Variants in CDK14 observed in about 807,000 individuals in gnomAD.
CDK14 encodes the protein cyclin dependent kinase 14.
A neutral mutation model predicts 60.7 loss-of-function variants in CDK14; 34 were observed. The ratio of observed to expected loss-of-function variants is 0.56; its 90% CI spans 0.43 to 0.75. The LOEUF (loss-of-function observed/expected upper bound fraction) is 0.75. Among genes scored for constraint, CDK14 ranks in the 30% least tolerant of loss-of-function variants. The pLI is 0.00. For missense variants in CDK14, 482 were observed against 564.1 expected (o/e 0.85, Z 1.47); for synonymous variants, 197 against 203.7 (o/e 0.97, Z 0.28).
chr7:91,083,603 T>C (rs1319325650), intron 12 of CDK14, among the ~76,000 whole-genome samples: 1 of 152,186 alleles, frequency 6.6e-6, no homozygotes, highest in African/African-American at 2.4e-5. Context: ...TTAGTTCAGT[T>C]ACTAAAAGCA....
chr7:90,596,655 G>A lies in CDK14; in HGVS notation c.28G>A (p.Ala10Thr). MCDLIEPQP[A>T]EKIGKMKKLR... ...GTGTGACCTCATTGAGCCGCAGCCGGCCGAGAAGATCGGCAAGATGAAGAA... is the reference window on the plus strand; with the variant it reads ...GTGTGACCTCATTGAGCCGCAGCCGACCGAGAAGATCGGCAAGATGAAGAA... Residue 10 changes from alanine to threonine, a missense_variant, in exon 1 of 15, where the codon GCC (alanine) becomes ACC (threonine). Transcript: ENST00000380050. 1.2e-6 allele frequency: 2 copies of A among 1,612,218 alleles called. No individual in the cohort carries two copies. The highest frequency in any genetic ancestry group is 1.7e-6 in the Non-Finnish European group (2 of 1,179,450).
intron 11 of CDK14, among the ~76,000 whole-genome samples, chr7:91,059,573 T>C (rs1278980372): frequency 2.6e-5 from 4 of 151,880 alleles, no homozygotes; most frequent in South Asian, 4.1e-4. Flanking sequence ...CACACTGCTT[T>C]GAATGTGTCC....
At chr7:90,720,054 G>A (rs1223075617) in intron 2 of CDK14, among the ~76,000 whole-genome samples, 2 of 152,120 alleles carry the variant, frequency 1.3e-5, no homozygotes, top group African/African-American at 4.8e-5. Context: ...AATCTTTACT[G>A]GACTCTTCAA....
rs191654320 is a variant in CDK14, at chr7:90,792,943, G to A, written c.544+2291G>A. Among the ~76,000 whole-genome samples the A allele has an allele frequency of 2.0e-5, 3 of 152,156 alleles. No individual in the cohort carries two copies. In the East Asian group the frequency reaches 5.8e-4, roughly 29 times the overall value. The stretch of plus-strand genomic sequence containing the variant: ...CTTCCCTGGCTCTTTTTAGATTTAG[G>A]GGTCAATTCAAACATCCCATTTCAG... On this transcript the variant is annotated intron_variant, in intron 5 of 14. Transcript: ENST00000380050.
At chr7:90,680,034 C>T (rs1488171377) in intron 2 of CDK14, among the ~76,000 whole-genome samples, 1 of 151,672 alleles carries the variant, frequency 6.6e-6, no homozygotes, top group Non-Finnish European at 1.5e-5. Flanking sequence ...TAATAGTATT[C>T]TGTTTTTGTT....
intron 10 of CDK14, among the ~76,000 whole-genome samples, chr7:91,011,835 C>G (rs1466864049): frequency 6.6e-6 from 1 of 151,982 alleles, no homozygotes; most frequent in African/African-American, 2.4e-5. Flanking sequence ...ATAGTCTTTC[C>G]TCTAACTTTC....
At chr7:90,858,557 A>G (rs1214311835) in intron 5 of CDK14, among the ~76,000 whole-genome samples, 2 of 152,224 alleles carry the variant, frequency 1.3e-5, no homozygotes, top group African/African-American at 2.4e-5. Flanking sequence ...ATGTTCAATA[A>G]TATGTTTCCA....
intron 12 of CDK14, among the ~76,000 whole-genome samples, chr7:91,100,277 G>A (rs1419326621): frequency 6.6e-6 from 1 of 152,118 alleles, no homozygotes; most frequent in Non-Finnish European, 1.5e-5. Context: ...ATAGTGTTCT[G>A]TATAAATTAT....
intron 7 of CDK14, among the ~76,000 whole-genome samples, chr7:90,907,034 A>G (rs1431411145): frequency 6.6e-6 from 1 of 152,106 alleles, no homozygotes; most frequent in Non-Finnish European, 1.5e-5. Flanking sequence ...TTCTAGCATA[A>G]TATCAATTTT....
At chr7:90,799,999 A>T (rs972176984) in intron 5 of CDK14, among the ~76,000 whole-genome samples, 1 of 152,156 alleles carries the variant, frequency 6.6e-6, no homozygotes, top group Admixed American at 6.5e-5. Context: ...TAGATTCAAC[A>T]CAATATAACT....
At chr7:91,046,278 T>A (rs955929686) in intron 11 of CDK14, among the ~76,000 whole-genome samples, 1 of 152,206 alleles carries the variant, frequency 6.6e-6, no homozygotes, top group Non-Finnish European at 1.5e-5. Flanking sequence ...TGGGTTGCTG[T>A]AATCCATCTG....
At chr7:90,962,396 G>A (rs1794627821) in intron 9 of CDK14, among the ~76,000 whole-genome samples, 2 of 152,112 alleles carry the variant, frequency 1.3e-5, no homozygotes, top group Non-Finnish European at 2.9e-5. Flanking sequence ...TGAGACAGGA[G>A]AATCTCTTGA....
intron 2 of CDK14, among the ~76,000 whole-genome samples, chr7:90,704,856 A>G (rs1157999313): frequency 1.3e-5 from 2 of 152,170 alleles, no homozygotes; most frequent in Admixed American, 6.5e-5. Context: ...TTCTTCAAAT[A>G]TATGAGATTG....
chr7:90,760,341 A>G (rs1166438457), intron 4 of CDK14, among the ~76,000 whole-genome samples: 2 of 152,192 alleles, frequency 1.3e-5, no homozygotes, highest in Non-Finnish European at 2.9e-5. Context: ...GTTCATTGAA[A>G]CACTATCAGG....
intron 9 of CDK14, among the ~76,000 whole-genome samples, chr7:90,983,893 T>A (rs1360332221): frequency 1.3e-5 from 2 of 151,864 alleles, no homozygotes; most frequent in African/African-American, 4.8e-5. Flanking sequence ...GAGGCAAGGG[T>A]TAACAAACTA....
At chr7:90,949,146 G>T (rs1794181638) in intron 8 of CDK14, among the ~76,000 whole-genome samples, 1 of 151,900 alleles carries the variant, frequency 6.6e-6, no homozygotes, top group South Asian at 2.1e-4. Context: ...TATTATTTCT[G>T]TTATTTAAAA....
Position 90,649,390 on chromosome 7 carries a change from CTTCCTTCT to C in CDK14, c.123+45145_123+45152del, listed in dbSNP as rs1490701647. Among the ~76,000 whole-genome samples, 179 of 41,794 alleles carry C rather than the reference CTTCCTTCT, an allele frequency of 4.3e-3. 22 individuals are homozygous for C. Among genetic ancestry groups the C allele is most frequent in the Admixed American group, 9.2e-3 (31 of 3,384 alleles). 27.4% of individuals were successfully genotyped at this position (41,794 alleles called of 152,430 possible). A position where few individuals can be genotyped will look rare whatever the true frequency, so the allele number is the denominator to read the frequency against. ...CTTTCCTTCCTTCCTTCCTTCCTTC[CTTCCTTCT>C]TTCTTTCTTTCTTTCTTTCTTTCCT... On this transcript the variant is annotated intron_variant, in intron 2 of 14. Coordinates refer to ENST00000380050, the MANE Select transcript of CDK14 (RefSeq NM_001287135.2).
chr7:90,984,398 G>C (rs1795320282), intron 10 of CDK14, among the ~76,000 whole-genome samples, 157 bp downstream of exon 10: 1 of 152,214 alleles, frequency 6.6e-6, no homozygotes, highest in South Asian at 2.1e-4. Context: ...CAGGAAATCA[G>C]TTAAGAATTA....
At chr7:91,074,134 C>T (rs1197342738) in intron 11 of CDK14, among the ~76,000 whole-genome samples, 1 of 152,188 alleles carries the variant, frequency 6.6e-6, no homozygotes, top group African/African-American at 2.4e-5. Context: ...GAACTCAGCT[C>T]TGGATCAAGT....
Sources: allele counts gnomAD v4.1 joint callset (sites outside exome capture counted in the v4.1 genomes callset), GRCh38; gene constraint gnomAD v4.1.1; transcripts MANE v1.5; gene names NCBI Gene and HGNC (gene_info 2026-07-23, HGNC 2026-07-21).